Variants in CD101 observed in about 807,000 individuals in gnomAD.
CD101 encodes immunoglobulin superfamily member 2.
In CD101, 76 loss-of-function variants were observed where a neutral mutation model predicts 98.2. The observed-to-expected ratio is 0.77, with a 90% confidence interval of 0.64 to 0.94. The LOEUF (loss-of-function observed/expected upper bound fraction) is 0.94, where lower values mean the gene tolerates loss of function less well. Among genes scored for constraint, CD101 ranks in the 40% least tolerant of loss-of-function variants. The pLI, the probability that CD101 is intolerant of heterozygous loss-of-function variation, is 0.00. For missense variants in CD101, 1,145 were observed against 1,218.8 expected, an observed-to-expected ratio of 0.94 and a Z score of 0.90; for synonymous variants, 471 against 472.7, an observed-to-expected ratio of 1.00 and a Z score of 0.05.
chr1:117,013,098 A>G (rs58785498), intron 3 of CD101, among the ~76,000 whole-genome samples: 1 of 152,214 alleles, frequency 6.6e-6, no homozygotes, highest in African/African-American at 2.4e-5. Context: ...AGTATACAAT[A>G]TTTTATTTTT....
chr1:117,014,054 G>A (rs568009935), intron 4 of CD101, among the ~76,000 whole-genome samples: 12 of 152,278 alleles, frequency 7.9e-5, no homozygotes, highest in African/African-American at 2.9e-4. Context: ...TCTGTAAAAT[G>A]ATGGCACACA....
At position 117,029,191 on chromosome 1, in the gene CD101, GAAAGAAA is replaced by G. The variant is rs1557778753; in HGVS notation, c.2824+3288_2824+3294del. 7.1e-5 allele frequency among the ~76,000 whole-genome samples: 6 copies of G among 83,966 alleles called. No homozygotes were observed. In the East Asian group the frequency reaches 1.2e-3, roughly 17 times the overall value. 55.1% of individuals were successfully genotyped at this position (83,966 alleles called of 152,430 possible). ...AGAAAGAAAGAAAGAAAGAAAGAAA[GAAAGAAA>G]GAAAGAAAAGAAAGAAAAGAAAGAA... is the stretch of plus-strand genomic sequence containing the variant. On this transcript the variant is annotated intron_variant, in intron 8 of 9. Coordinates refer to ENST00000682167, the MANE Select transcript of CD101 (RefSeq NM_001256106.3).
chr1:117,028,803 A>G (rs1570743446), intron 8 of CD101, among the ~76,000 whole-genome samples: 1 of 152,156 alleles, frequency 6.6e-6, no homozygotes, highest in African/African-American at 2.4e-5. Context: ...ATTATGGGAC[A>G]ATTACAGAAA....
At position 117,025,865 on chromosome 1, in the gene CD101, G is replaced by A. The variant is rs748751141; in HGVS notation, c.2785G>A (p.Asp929Asn). ...AAGCAAGTGGATTAATCAAGCATCCGATGAGTCACAGCGGATGGTGCTCAC... is the reference window on the plus strand; with the variant it reads ...AAGCAAGTGGATTAATCAAGCATCCAATGAGTCACAGCGGATGGTGCTCAC... ...HPSKWINQASDESQRMVLTVL... is the reference protein window; with the variant it reads ...HPSKWINQASNESQRMVLTVL... Residue 929 changes from aspartate to asparagine, a missense_variant, in exon 8 of 10, where the codon GAT becomes AAT. Transcript: ENST00000682167. The A allele has an allele frequency of 1.7e-5, 28 of 1,613,718 alleles. No homozygotes were observed. Among genetic ancestry groups the A allele is most frequent in the Non-Finnish European group, 2.1e-5 (25 of 1,179,774 alleles).
intron 1 of CD101, among the ~76,000 whole-genome samples, chr1:117,009,282 A>G (rs993167159): frequency 6.6e-6 from 1 of 152,228 alleles, no homozygotes; most frequent in Admixed American, 6.5e-5. Flanking sequence ...AAAAACCTCC[A>G]CAGAATAGAA....
Position 117,018,258 on chromosome 1 carries a change from A to G in CD101, c.1715A>G (p.Lys572Arg). ...GTGAGGGCCGGTTACTCTGACCTCA[A>G]GGTGCCACTCACTGTGACGTGGCAG... is the stretch of plus-strand genomic sequence containing the variant. The part of the protein sequence containing the change: ...CVVRAGYSDL[K>R]VPLTVTWQFQ... Residue 572 changes from lysine (K) to arginine (R), a missense_variant, in exon 6 of 10, where the codon AAG becomes AGG. By Grantham distance (26) the Lys-to-Arg change is conservative. Coordinates refer to ENST00000682167, the MANE Select transcript of CD101 (RefSeq NM_001256106.3). This position sits in a 1 kb window ranked among gnomAD's most constrained non-coding sequence, Gnocchi z 4.3. 1 of 1,614,218 alleles carries G rather than the reference A, an allele frequency of 6.2e-7. No homozygotes were observed. The highest frequency in any genetic ancestry group is 1.1e-5 in the South Asian group (1 of 91,086).
chr1:117,021,832 CTT>C lies in CD101; in HGVS notation c.2278_2279del (p.Leu760IlefsTer52), dbSNP rs759467697. ...KFHTEKVSQD[L>X]FQLHILNVED... is the part of the protein sequence containing the mutation. Reference sequence around the variant, plus strand: ...TTCATACTGAGAAGGTTTCCCAAGACTTATTTCAGCTGCACATTCTGAATGTG... The same window carrying C: ...TTCATACTGAGAAGGTTTCCCAAGACATTTCAGCTGCACATTCTGAATGTG... On this transcript the variant is annotated frameshift_variant, in exon 7 of 10. Coordinates refer to ENST00000682167, the MANE Select transcript of CD101 (RefSeq NM_001256106.3). LOFTEE classifies it high-confidence loss of function. This position sits in a 1 kb window ranked among gnomAD's most constrained non-coding sequence, Gnocchi z 4.7. 216 of 1,614,152 alleles carry C rather than the reference CTT, an allele frequency of 1.3e-4. No homozygotes were observed. Among genetic ancestry groups the C allele is most frequent in the Non-Finnish European group, 1.1e-5 (13 of 1,180,020 alleles).
chr1:117,012,091 A>T lies in CD101; in HGVS notation c.841+125A>T. On this transcript the variant is annotated intron_variant, in intron 3 of 9. Coordinates refer to ENST00000682167, the MANE Select transcript of CD101 (RefSeq NM_001256106.3). The surrounding 1 kb of genome is among the most constrained non-coding windows in gnomAD (Gnocchi z 4.0). ...AAAAATTGGCTAGAAAGTTTGATTT[A>T]ATTTTGTATTTTTGTCATCTGAGAA... 1.1e-6 allele frequency: 1 copy of T among 907,366 alleles called. No individual in the cohort carries two copies. The highest frequency in any genetic ancestry group is 1.7e-6 in the Non-Finnish European group (1 of 604,270). The allele number at this position is 907,366 out of a possible 1,614,324, so 56.2% of individuals were successfully genotyped here.
At chr1:117,003,364 T>G (rs1009836432) in intron 1 of CD101, among the ~76,000 whole-genome samples, 2 of 152,190 alleles carry the variant, frequency 1.3e-5, no homozygotes, top group Non-Finnish European at 2.9e-5. Flanking sequence ...TAGGTACATA[T>G]GATAGTGTGA....
In CD101 at chr1:117,011,791, A is replaced by C. The variant is rs755727089; in HGVS notation, c.666A>C (p.Val222=). Residue 222 remains valine, a synonymous_variant, in exon 3 of 10, where the codon GTA becomes GTC. Coordinates refer to ENST00000682167, the MANE Select transcript of CD101 (RefSeq NM_001256106.3). Reference sequence around the variant, plus strand: ...CAGAGCGGTTTGCAGCCAGTGACGTACAGCTCAACAAACTGGGACCCACTA... The same window carrying C: ...CAGAGCGGTTTGCAGCCAGTGACGTCCAGCTCAACAAACTGGGACCCACTA... ...LYTERFAASD[V]QLNKLGPTTF... is the part of the protein sequence containing the mutation. The C allele has an allele frequency of 6.2e-7, 1 of 1,614,178 alleles. No individual in the cohort carries two copies. Among genetic ancestry groups the C allele is most frequent in the Non-Finnish European group, 8.5e-7 (1 of 1,180,024 alleles).
chr1:117,017,493 C>G lies in CD101; in HGVS notation c.1612+20C>G. On this transcript the variant is annotated intron_variant, in intron 5 of 9. Coordinates refer to ENST00000682167, the MANE Select transcript of CD101 (RefSeq NM_001256106.3). Reference sequence around the variant, plus strand: ...CTCTGGGTAAGTGTCAAAGGAAGTCCTTTTCTGCACCTGTATATCACTCAA... The same window carrying G: ...CTCTGGGTAAGTGTCAAAGGAAGTCGTTTTCTGCACCTGTATATCACTCAA... The G allele has an allele frequency of 1.3e-6, 2 of 1,587,862 alleles. No homozygotes were observed. The highest frequency in any genetic ancestry group is 1.7e-6 in the Non-Finnish European group (2 of 1,165,728).
In CD101 at chr1:117,012,690, G is replaced by A. The variant is rs942137103; in HGVS notation, c.842-716G>A. On this transcript the variant is annotated intron_variant, in intron 3 of 9. Transcript: ENST00000682167. The surrounding 1 kb of genome is among the most constrained non-coding windows in gnomAD (Gnocchi z 4.0). ...CCCAAAGGGCTGGGATTTCAGGCGT[G>A]AGCCACCGCACCCAGCCTGCTGTTA... 1.3e-5 allele frequency among the ~76,000 whole-genome samples: 2 copies of A among 152,192 alleles called. No homozygotes were observed. Among genetic ancestry groups the A allele is most frequent in the African/African-American group, 2.4e-5 (1 of 41,446 alleles).
intron 1 of CD101, among the ~76,000 whole-genome samples, chr1:117,007,375 T>G (rs1652597464): frequency 6.6e-6 from 1 of 151,884 alleles, no homozygotes; most frequent in Admixed American, 6.6e-5. Context: ...TTTTTCTTTT[T>G]GAGATGGAGT....
chr1:117,025,547 A>G lies in CD101; in HGVS notation c.2467A>G (p.Asn823Asp), dbSNP rs867003014. 2.5e-6 allele frequency: 4 copies of G among 1,602,436 alleles called. No homozygotes were observed. The African/African-American group carries it at 4.0e-5, about 16-fold the overall frequency. Reference sequence around the variant, plus strand: ...TGTCTCCAAAGTGTACTGGACCGAAAATGTGACTGAGCACAGAGAAGTGGC... The same window carrying G: ...TGTCTCCAAAGTGTACTGGACCGAAGATGTGACTGAGCACAGAGAAGTGGC... ...VRVSKVYWTE[N>D]VTEHREVAIR... Residue 823 changes from asparagine to aspartate, a missense_variant, in exon 8 of 10, where the codon AAT becomes GAT. By Grantham distance (23) the Asn-to-Asp change is conservative. Transcript: ENST00000682167.
chr1:117,031,584 T>C (rs1269282552), intron 8 of CD101, among the ~76,000 whole-genome samples: 2 of 152,220 alleles, frequency 1.3e-5, no homozygotes, highest in Non-Finnish European at 2.9e-5. Flanking sequence ...ATCTGTAGGC[T>C]CCAGCCCTGT....
chr1:117,035,774 G>C (rs898074780), intron 9 of CD101, among the ~76,000 whole-genome samples: 2 of 151,980 alleles, frequency 1.3e-5, no homozygotes, highest in Admixed American at 1.3e-4. Flanking sequence ...GGATGGTCTC[G>C]ATCTCCTGAC....
At chr1:117,002,840 T>C (rs1652317036) in intron 1 of CD101, among the ~76,000 whole-genome samples, 1 of 152,250 alleles carries the variant, frequency 6.6e-6, no homozygotes, top group Admixed American at 6.5e-5. Context: ...TAATGTGATA[T>C]GAAGATATCT....
intron 1 of CD101, among the ~76,000 whole-genome samples, chr1:117,002,209 G>T (rs939489209): frequency 1.3e-5 from 2 of 152,192 alleles, no homozygotes; most frequent in Non-Finnish European, 2.9e-5. Flanking sequence ...ACTGAGAGGA[G>T]ACCTTAAGGT....
At chr1:117,013,933 A>C (rs1423524649) in intron 4 of CD101, 141 bp downstream of exon 4, 15 of 1,032,536 alleles carry the variant, frequency 1.5e-5, no homozygotes, top group African/African-American at 3.2e-5. Context: ...AGTGGAGTGG[A>C]GTAAAGGAAG....
Sources: allele counts gnomAD v4.1 joint callset (sites outside exome capture counted in the v4.1 genomes callset), GRCh38; gene constraint gnomAD v4.1.1; non-coding constraint Gnocchi (gnomAD v3.1); transcripts MANE v1.5; gene names NCBI Gene and HGNC (gene_info 2026-07-23, HGNC 2026-07-21).